The following TAF4B variants were observed in gnomAD, a reference collection of about 807,000 sequenced individuals.
TAF4B encodes the protein transcription initiation factor TFIID subunit 4B.
In TAF4B, 38 loss-of-function variants were observed where a neutral mutation model predicts 86.4. The ratio of observed to expected loss-of-function variants is 0.44; its 90% CI spans 0.34 to 0.58. The LOEUF is 0.58. Ranked by LOEUF, TAF4B falls within the 20% of genes least tolerant of loss-of-function variation. The pLI, the probability that TAF4B is intolerant of heterozygous loss-of-function variation, is 0.02. For synonymous variants in TAF4B, 388 were observed against 391.2 expected (o/e 0.99, Z 0.10); for missense variants, 988 against 1,027.6 (o/e 0.96, Z 0.53).
intron 10 of TAF4B, among the ~76,000 whole-genome samples, chr18:26,316,591 A>G (rs9949067): frequency 6.6e-6 from 1 of 152,170 alleles, no homozygotes; most frequent in Non-Finnish European, 1.5e-5. Flanking sequence ...GGGTTTTACC[A>G]TGTTAGCCAG....
intron 13 of TAF4B, among the ~76,000 whole-genome samples, chr18:26,346,835 A>T (rs1157568941): frequency 5.7e-5 from 1 of 17,528 alleles, no homozygotes; most frequent in African/African-American, 1.3e-4. Context: ...ATATATATAT[A>T]TGTGTGTGTG....
chr18:26,292,303 T>C lies in TAF4B; in HGVS notation c.1648T>C (p.Ser550Pro), dbSNP rs1158748601. Residue 550 changes from serine to proline, a missense_variant, in exon 8 of 15, where the codon TCA becomes CCA. Physicochemically the swap from Ser to Pro is moderately conservative, Grantham distance 74. Transcript: ENST00000269142. The part of the protein sequence containing the change: ...EKQVTTISHS[S>P]TLTIQKCGQK... Reference sequence around the variant, plus strand: ...ACAAGTGACCACAATTTCACATTCCTCAACATTGACCATTCAGAAATGTGG... The same window carrying C: ...ACAAGTGACCACAATTTCACATTCCCCAACATTGACCATTCAGAAATGTGG... 2 of 1,614,172 alleles carry C rather than the reference T, an allele frequency of 1.2e-6. No individual in the cohort carries two copies. The highest frequency in any genetic ancestry group is 3.3e-5 in the Admixed American group (2 of 60,030).
At chr18:26,363,476 T>C (rs1388518865) in intron 14 of TAF4B, among the ~76,000 whole-genome samples, 1 of 147,982 alleles carries the variant, frequency 6.8e-6, no homozygotes, top group East Asian at 2.0e-4. Context: ...GCCCAGGAGG[T>C]CAAGGCTGCA....
intron 2 of TAF4B, 35 bp from the exon 3 acceptor site, chr18:26,267,481 G>T (rs757109187): frequency 4.3e-6 from 6 of 1,398,606 alleles, no homozygotes; most frequent in South Asian, 1.2e-5. Context: ...TAACGCTAAT[G>T]ACTTTGTGTT....
chr18:26,257,842 C>CGTGTGTGT (rs57275139), intron 1 of TAF4B, among the ~76,000 whole-genome samples: 2,260 of 141,486 alleles, frequency 0.016, 44 homozygotes, highest in Non-Finnish European at 0.023. Flanking sequence ...CCTCTGCGTG[C>CGTGTGTGT]GTGTGTGTGT....
chr18:26,243,900 A>G (rs548458227), intron 1 of TAF4B, among the ~76,000 whole-genome samples: 1 of 152,290 alleles, frequency 6.6e-6, no homozygotes, highest in East Asian at 1.9e-4. Context: ...AGTACAGCAA[A>G]TATTGCAGAA....
At chr18:26,275,398 C>A (rs1329719764) in intron 5 of TAF4B, among the ~76,000 whole-genome samples, 2 of 152,152 alleles carry the variant, frequency 1.3e-5, no homozygotes, top group East Asian at 3.9e-4. Flanking sequence ...TCAAGTGATG[C>A]ACTTGCCCTG....
intron 13 of TAF4B, among the ~76,000 whole-genome samples, chr18:26,346,835 A>G (rs1157568941): frequency 3.4e-4 from 6 of 17,518 alleles, no homozygotes; most frequent in Non-Finnish European, 4.2e-4. Context: ...ATATATATAT[A>G]TGTGTGTGTG....
intron 1 of TAF4B, among the ~76,000 whole-genome samples, chr18:26,260,183 C>G (rs1179024802): frequency 1.3e-5 from 2 of 151,948 alleles, no homozygotes; most frequent in Non-Finnish European, 2.9e-5. Context: ...GGATATTAGC[C>G]CTTTGTCAGA....
intron 3 of TAF4B, among the ~76,000 whole-genome samples, chr18:26,270,786 AACTT>A (rs898319384): frequency 1.3e-5 from 2 of 152,244 alleles, no homozygotes; most frequent in African/African-American, 4.8e-5. Context: ...CTTAAACTAA[AACTT>A]AGAATTTCTT....
Position 26,286,518 on chromosome 18 carries a change from C to T in TAF4B, c.1590+19C>T, listed in dbSNP as rs8089000. ...GCAACTAGTGAGTAACATTTTGTTT[C>T]TTCCCCAGTTACTTATTTTGAAAAT... On this transcript the variant is annotated intron_variant, in intron 7 of 14. Coordinates refer to ENST00000269142, the MANE Select transcript of TAF4B (RefSeq NM_005640.3). 599,116 of 1,563,506 alleles carry T rather than the reference C, an allele frequency of 0.38. 119,545 individuals are homozygous for T. The highest frequency in any genetic ancestry group is 0.49 in the African/African-American group (35,362 of 72,448).
At chr18:26,332,280 A>G (rs915208240) in intron 12 of TAF4B, among the ~76,000 whole-genome samples, 1 of 152,152 alleles carries the variant, frequency 6.6e-6, no homozygotes, top group Non-Finnish European at 1.5e-5. Context: ...GAATGCAACC[A>G]TTTATCATCT....
In TAF4B at chr18:26,226,680, G is replaced by A; in HGVS notation, c.-254G>A. ...CAGCGCACGTGTGAGCGCCGCTGAGGAAGCTGCGAGAGGTCGGGCGGGTGT... is the reference window on the plus strand; with the variant it reads ...CAGCGCACGTGTGAGCGCCGCTGAGAAAGCTGCGAGAGGTCGGGCGGGTGT... On this transcript the variant is annotated 5_prime_UTR_variant, in exon 1 of 15. Coordinates refer to ENST00000269142, the MANE Select transcript of TAF4B (RefSeq NM_005640.3). 2.7e-6 allele frequency: 1 copy of A among 372,578 alleles called. No homozygotes were observed. The highest frequency in any genetic ancestry group is 4.0e-5 in the East Asian group (1 of 24,712). 23.1% of individuals were successfully genotyped at this position (372,578 alleles called of 1,614,324 possible). A position where few individuals can be genotyped will look rare whatever the true frequency, so the allele number is the denominator to read the frequency against.
chr18:26,369,735 A>G (rs1401656155), intron 14 of TAF4B, among the ~76,000 whole-genome samples: 2 of 152,242 alleles, frequency 1.3e-5, no homozygotes, highest in African/African-American at 2.4e-5. Context: ...ACAGCTGAAC[A>G]TGAACTGTTT....
At chr18:26,245,821 AT>A (rs1052056934) in intron 1 of TAF4B, among the ~76,000 whole-genome samples, 35 of 152,186 alleles carry the variant, frequency 2.3e-4, no homozygotes, top group African/African-American at 8.4e-4. Context: ...TAAATGCTTC[AT>A]TTTTTCAACT....
chr18:26,234,223 C>G (rs996909155), intron 1 of TAF4B, among the ~76,000 whole-genome samples: 1 of 152,242 alleles, frequency 6.6e-6, no homozygotes, highest in Non-Finnish European at 1.5e-5. Flanking sequence ...GGAGATTCTG[C>G]CTGGCAGCAA....
chr18:26,281,899 A>G, intron 5 of TAF4B, 72 bp from the exon 6 acceptor site: 2 of 1,172,222 alleles, frequency 1.7e-6, no homozygotes, highest in South Asian at 1.3e-5. Flanking sequence ...GTCTACAATC[A>G]TGAATTATAT....
intron 5 of TAF4B, among the ~76,000 whole-genome samples, chr18:26,276,681 T>C (rs998045782): frequency 2.6e-5 from 4 of 152,194 alleles, no homozygotes; most frequent in African/African-American, 9.7e-5. Flanking sequence ...TACTAACAAA[T>C]TTTTAATTCA....
chr18:26,388,539 G>A (rs527620113), intron 14 of TAF4B, among the ~76,000 whole-genome samples: 253 of 152,316 alleles, frequency 1.7e-3, no homozygotes, highest in Non-Finnish European at 3.2e-3. Context: ...ATAGTACAAC[G>A]TAAGGTAATT....
Sources: allele counts gnomAD v4.1 joint callset (sites outside exome capture counted in the v4.1 genomes callset), GRCh38; gene constraint gnomAD v4.1.1; transcripts MANE v1.5; gene names NCBI Gene and HGNC (gene_info 2026-07-23, HGNC 2026-07-21).